Variants in EVA1A observed in about 807,000 individuals in gnomAD.
The protein encoded by EVA1A is protein eva-1 homolog A.
A neutral mutation model predicts 9.8 loss-of-function variants in EVA1A; 7 were observed. That is an observed-to-expected ratio of 0.71 (90% CI 0.41 to 1.34). The LOEUF (loss-of-function observed/expected upper bound fraction) is 1.34. EVA1A is among the 40% of genes most tolerant of loss of function. The pLI is 0.01. For missense variants in EVA1A, 206 were observed against 205.9 expected (o/e 1.00, Z 0.00); for synonymous variants, 90 against 85.6 (o/e 1.05, Z -0.28).
chr2:75,522,288 G>C (rs747717139), intron 2 of EVA1A, 77 bp downstream of exon 2: 8 of 152,130 alleles, frequency 5.3e-5, no homozygotes, highest in Non-Finnish European at 1.0e-4. Flanking sequence ...TATTGCAATT[G>C]GAACTGAGTG....
chr2:75,494,315 C>T (rs1404764211), intron 3 of EVA1A, among the ~76,000 whole-genome samples: 4 of 152,106 alleles, frequency 2.6e-5, no homozygotes, highest in African/African-American at 4.8e-5. Context: ...TATGCATGCA[C>T]GGACTGGGGT....
chr2:75,499,742 G>A (rs768526074), intron 3 of EVA1A, among the ~76,000 whole-genome samples: 18 of 152,078 alleles, frequency 1.2e-4, no homozygotes, highest in African/African-American at 2.4e-4. Flanking sequence ...TCAGGGTGAC[G>A]GCTGGTCAGG....
At chr2:75,497,809 C>G (rs952740379) in intron 3 of EVA1A, among the ~76,000 whole-genome samples, 3 of 141,356 alleles carry the variant, frequency 2.1e-5, no homozygotes. Context: ...TGAGATTGTA[C>G]CACTGTACTC....
intron 3 of EVA1A, among the ~76,000 whole-genome samples, chr2:75,510,984 T>C (rs954561947): frequency 2.6e-5 from 4 of 152,252 alleles, no homozygotes; most frequent in Admixed American, 6.5e-5. Context: ...GCTCTCGTGC[T>C]ACAATGCAAA....
chr2:75,501,975 A>G (rs1674443437), intron 3 of EVA1A, among the ~76,000 whole-genome samples: 1 of 152,216 alleles, frequency 6.6e-6, no homozygotes, highest in African/African-American at 2.4e-5. Context: ...AAGGAAGACA[A>G]TTCCCCAACC....
intron 1 of EVA1A, among the ~76,000 whole-genome samples, chr2:75,536,400 G>C (rs867995421): frequency 9.7e-4 from 147 of 151,950 alleles, no homozygotes; most frequent in African/African-American, 3.3e-3. Flanking sequence ...ATATTGTCAG[G>C]TTTAAAGAAA....
intron 3 of EVA1A, among the ~76,000 whole-genome samples, chr2:75,509,714 A>G (rs1434828367): frequency 6.6e-6 from 1 of 152,184 alleles, no homozygotes; most frequent in African/African-American, 2.4e-5. Flanking sequence ...ACAAATTCTC[A>G]GTCAAAACTC....
chr2:75,543,896 C>A (rs958714413), intron 1 of EVA1A, among the ~76,000 whole-genome samples: 1 of 152,216 alleles, frequency 6.6e-6, no homozygotes, highest in African/African-American at 2.4e-5. Flanking sequence ...AATTTTCTTA[C>A]ACCTTATTCT....
intron 1 of EVA1A, among the ~76,000 whole-genome samples, chr2:75,531,656 C>G (rs1675654154): frequency 2.0e-5 from 3 of 152,062 alleles, no homozygotes; most frequent in African/African-American, 7.2e-5. Flanking sequence ...TGAAGTAACT[C>G]AGGAATAGAA....
chr2:75,559,982 C>G (rs2103995528), intron 1 of EVA1A, among the ~76,000 whole-genome samples: 1 of 152,284 alleles, frequency 6.6e-6, no homozygotes, highest in East Asian at 1.9e-4. Flanking sequence ...TCCAGGACAT[C>G]CTCATTTCCT....
At chr2:75,543,902 AT>A (rs1676230452) in intron 1 of EVA1A, among the ~76,000 whole-genome samples, 1 of 152,212 alleles carries the variant, frequency 6.6e-6, no homozygotes, top group Non-Finnish European at 1.5e-5. Flanking sequence ...CTTACACCTT[AT>A]TCTAACACAA....
chr2:75,523,177 A>G (rs1437244230), intron 1 of EVA1A, among the ~76,000 whole-genome samples: 3 of 152,210 alleles, frequency 2.0e-5, no homozygotes, highest in African/African-American at 7.2e-5. Flanking sequence ...ACTTCTGCTT[A>G]TTGATTACTT....
chr2:75,518,689 C>T, intron 2 of EVA1A: 1 of 987,554 alleles, frequency 1.0e-6, no homozygotes, highest in South Asian at 4.7e-5. Flanking sequence ...CTTTGAGGCA[C>T]AGCCCATCGG....
At chr2:75,531,866 T>C (rs1320651474) in intron 1 of EVA1A, among the ~76,000 whole-genome samples, 1 of 152,062 alleles carries the variant, frequency 6.6e-6, no homozygotes, top group Non-Finnish European at 1.5e-5. Context: ...TTAAAGAACT[T>C]ATCCACGTAA....
chr2:75,511,401 G>A (rs1044126486), intron 3 of EVA1A, among the ~76,000 whole-genome samples: 13 of 151,998 alleles, frequency 8.6e-5, no homozygotes, highest in South Asian at 2.1e-4. Context: ...GTAAAGAACC[G>A]GTTAAACTAT....
intron 1 of EVA1A, among the ~76,000 whole-genome samples, chr2:75,553,581 A>T (rs1369425038): frequency 6.6e-6 from 1 of 152,226 alleles, no homozygotes; most frequent in Non-Finnish European, 1.5e-5. Flanking sequence ...AAGTGTTGGC[A>T]GCTTGAGCTG....
At chr2:75,535,401 C>A (rs2110489) in intron 1 of EVA1A, among the ~76,000 whole-genome samples, 42,374 of 151,290 alleles carry the variant, frequency 0.28, 6,860 homozygotes, top group African/African-American at 0.45. Context: ...AATAACTAAA[C>A]GTAGATCTAC....
chr2:75,566,391 T>C (rs1677029502), intron 1 of EVA1A, among the ~76,000 whole-genome samples: 1 of 152,144 alleles, frequency 6.6e-6, no homozygotes, highest in African/African-American at 2.4e-5. Flanking sequence ...AAGTTTTACC[T>C]GTACAAAGGA....
intron 1 of EVA1A, among the ~76,000 whole-genome samples, chr2:75,569,294 C>G (rs1187817619): frequency 6.6e-6 from 1 of 152,118 alleles, no homozygotes; most frequent in Admixed American, 6.5e-5. Context: ...ATCCTCAGCT[C>G]ACGGTAGTCT....
Sources: allele counts gnomAD v4.1 joint callset (sites outside exome capture counted in the v4.1 genomes callset), GRCh38; gene constraint gnomAD v4.1.1; transcripts MANE v1.5; gene names NCBI Gene and HGNC (gene_info 2026-07-23, HGNC 2026-07-21).